The following MYLK3 variants were observed in gnomAD, a reference collection of about 807,000 sequenced individuals.
MYLK3 encodes MLC kinase.
Under a neutral mutation model 76.3 loss-of-function variants are expected in MYLK3, and 55 were observed. The observed-to-expected ratio is 0.72, with a 90% CI of 0.58 to 0.90. The LOEUF is 0.90. Ranked by LOEUF, MYLK3 falls within the 40% of genes least tolerant of loss-of-function variation. The probability of loss-of-function intolerance (pLI) is 0.00; values close to 1 mark genes in which losing one functional copy is unlikely to be tolerated. For synonymous variants in MYLK3, 416 were observed against 425.4 expected (o/e 0.98, Z 0.27); for missense variants, 973 against 1,053.6 (o/e 0.92, Z 1.06).
chr16:46,736,074 C>A (rs1171449128), intron 3 of MYLK3, among the ~76,000 whole-genome samples: 1 of 152,148 alleles, frequency 6.6e-6, no homozygotes, highest in Non-Finnish European at 1.5e-5. Context: ...ATGGTGTGAT[C>A]ATAACTCACT....
rs894167675 is a variant in MYLK3 at position 46,707,030 on chromosome 16, A to T, written c.*674T>A. On this transcript the variant is annotated 3_prime_UTR_variant, in exon 13 of 13. Transcript: ENST00000394809. The stretch of plus-strand genomic sequence containing the variant: ...GCCTATCAGCTTCCAGACTTACAAG[A>T]CCAGAAATTTATAACTAAGACAGAG... The T allele has an allele frequency of 6.6e-6, 1 of 152,178 alleles. No homozygotes were observed. 9.4% of individuals were successfully genotyped at this position (152,178 alleles called of 1,614,324 possible).
rs1158360040 is a variant in MYLK3, at chr16:46,709,394, C to A, written c.2400+145G>T. On this transcript the variant is annotated intron_variant, in intron 12 of 12. Coordinates refer to ENST00000394809, the MANE Select transcript of MYLK3 (RefSeq NM_182493.3). ...CCATGATCATGCCACTATACTCCAG[C>A]CTGGGCAACAGAGCAAGACCCTGTC... 6.7e-6 allele frequency: 6 copies of A among 895,338 alleles called. No homozygotes were observed. The East Asian group carries it at 1.5e-4, about 23-fold the overall frequency. 55.5% of individuals were successfully genotyped at this position (895,338 alleles called of 1,614,324 possible). A position where few individuals can be genotyped will look rare whatever the true frequency, so the allele number is the denominator to read the frequency against.
intron 1 of MYLK3, among the ~76,000 whole-genome samples, chr16:46,745,472 G>A (rs902170766): frequency 6.6e-6 from 1 of 152,134 alleles, no homozygotes; most frequent in Non-Finnish European, 1.5e-5. Flanking sequence ...TGCCAGGAGC[G>A]GTAACTCACA....
chr16:46,757,351 T>A, intron 1 of MYLK3: 1 of 983,644 alleles, frequency 1.0e-6, no homozygotes, highest in Non-Finnish European at 1.2e-6. Context: ...CAGGTCTCCC[T>A]TAGTCCCGTG....
intron 12 of MYLK3, 93 bp downstream of exon 12, chr16:46,709,443 GAAA>G (rs11420228): frequency 3.4e-6 from 4 of 1,159,666 alleles, no homozygotes; most frequent in African/African-American, 1.8e-5. Context: ...CCAAAAAGAA[GAAA>G]AAAAAAAAAA....
In MYLK3 at chr16:46,706,395, G is replaced by A. The variant is rs1966626816; in HGVS notation, c.*1309C>T. ...TGCAAACTCCACCTCCCAGGTTCAA[G>A]CAGTTCTCCTGCCTCAGCCTCCAGA... On this transcript the variant is annotated 3_prime_UTR_variant, in exon 13 of 13. Coordinates refer to ENST00000394809, the MANE Select transcript of MYLK3 (RefSeq NM_182493.3). 6.6e-6 allele frequency: 1 copy of A among 150,746 alleles called. No individual in the cohort carries two copies. Among genetic ancestry groups the A allele is most frequent in the African/African-American group, 2.4e-5 (1 of 40,928 alleles). 9.3% of individuals were successfully genotyped at this position (150,746 alleles called of 1,614,324 possible). A position where few individuals can be genotyped will look rare whatever the true frequency, so the allele number is the denominator to read the frequency against.
At position 46,707,539 on chromosome 16, in the gene MYLK3, C is replaced by T. The variant is rs1966638198; in HGVS notation, c.*165G>A. The T allele has an allele frequency of 3.3e-5, 18 of 552,302 alleles. No homozygotes were observed. In the South Asian group the frequency reaches 4.6e-4, roughly 14 times the overall value. 34.2% of individuals were successfully genotyped at this position (552,302 alleles called of 1,614,324 possible). ...AAAACGTTCTTAGGAAGCTTCTTTA[C>T]AGCCACTTTTCATCCACAAGGAAGG... On this transcript the variant is annotated 3_prime_UTR_variant, in exon 13 of 13. Coordinates refer to ENST00000394809, the MANE Select transcript of MYLK3 (RefSeq NM_182493.3).
chr16:46,719,754 A>G (rs918095425), intron 9 of MYLK3, among the ~76,000 whole-genome samples: 2 of 152,196 alleles, frequency 1.3e-5, no homozygotes, highest in South Asian at 2.1e-4. Context: ...GACCAGTTTA[A>G]ATACAAAAAG....
At chr16:46,726,734 A>AAAG (rs1966843046) in intron 8 of MYLK3, 10 of 147,010 alleles carry the variant, frequency 6.8e-5, no homozygotes, top group Non-Finnish European at 1.2e-4. Context: ...AGAAAGAAAG[A>AAAG]AAAGAAAGAG....
At chr16:46,735,551 C>T (rs1460950504) in intron 3 of MYLK3, among the ~76,000 whole-genome samples, 1 of 152,184 alleles carries the variant, frequency 6.6e-6, no homozygotes, top group African/African-American at 2.4e-5. Context: ...CGCCTTTCTC[C>T]AGCAGCTGAA....
At chr16:46,726,525 A>C (rs1966840615) in intron 8 of MYLK3, 1 of 151,512 alleles carries the variant, frequency 6.6e-6, no homozygotes, top group Admixed American at 6.6e-5. Flanking sequence ...TGATGGCACC[A>C]CTGCACTCCA....
Position 46,732,487 on chromosome 16 carries a change from C to T in MYLK3, c.1183G>A (p.Glu395Lys), listed in dbSNP as rs753176672. ...AGCGGGGAGAGCTCTCTGGCTCCTTCAGGGGTCTGTTCTCCGGGCTCAGTC... is the reference window on the plus strand; with the variant it reads ...AGCGGGGAGAGCTCTCTGGCTCCTTTAGGGGTCTGTTCTCCGGGCTCAGTC... Reference protein sequence around the residue: ...PGTEPGEQTPEGARELSPLQE... With the variant: ...PGTEPGEQTPKGARELSPLQE... The change falls in exon 4 of 13, where the codon GAA becomes AAA. Residue 395 changes from glutamate to lysine, a missense_variant. Physicochemically the swap from Glu to Lys is moderately conservative, Grantham distance 56. Transcript: ENST00000394809. 2 of 1,609,194 alleles carry T rather than the reference C, an allele frequency of 1.2e-6. No homozygotes were observed. Among genetic ancestry groups the T allele is most frequent in the Non-Finnish European group, 1.7e-6 (2 of 1,179,946 alleles).
rs1394617259 is a variant in MYLK3 at position 46,704,305 on chromosome 16, A to C, written c.*3399T>G. On this transcript the variant is annotated 3_prime_UTR_variant, in exon 13 of 13. Transcript: ENST00000394809. Reference sequence around the variant, plus strand: ...ATATTTTTAGAGATGGGGTTTTACCATGTTGGCCAGCAATCTGCCCACCTT... The same window carrying C: ...ATATTTTTAGAGATGGGGTTTTACCCTGTTGGCCAGCAATCTGCCCACCTT... The C allele has an allele frequency of 6.6e-6, 1 of 152,174 alleles. No individual in the cohort carries two copies. Among genetic ancestry groups the C allele is most frequent in the Non-Finnish European group, 1.5e-5 (1 of 68,078 alleles). 9.4% of individuals were successfully genotyped at this position (152,174 alleles called of 1,614,324 possible). A position where few individuals can be genotyped will look rare whatever the true frequency, so the allele number is the denominator to read the frequency against.
intron 9 of MYLK3, among the ~76,000 whole-genome samples, chr16:46,719,160 C>T (rs1459029253): frequency 6.6e-6 from 1 of 151,990 alleles, no homozygotes; most frequent in Non-Finnish European, 1.5e-5. Flanking sequence ...AACCCCGTCT[C>T]TACTAAAAAT....
intron 1 of MYLK3, among the ~76,000 whole-genome samples, chr16:46,740,651 A>C (rs920292325): frequency 1.3e-5 from 2 of 150,828 alleles, no homozygotes; most frequent in African/African-American, 4.9e-5. Flanking sequence ...TCCCAGGTTC[A>C]AACGACCCTC....
intron 9 of MYLK3, among the ~76,000 whole-genome samples, chr16:46,717,204 C>G (rs879778233): frequency 6.6e-6 from 1 of 152,090 alleles, no homozygotes; most frequent in Non-Finnish European, 1.5e-5. Context: ...CGCTATCTCC[C>G]GGTAGGGGAT....
intron 1 of MYLK3, among the ~76,000 whole-genome samples, chr16:46,743,348 A>G (rs1438837769): frequency 6.6e-6 from 1 of 152,198 alleles, no homozygotes; most frequent in Admixed American, 6.5e-5. Flanking sequence ...CTCCCAGGAA[A>G]CACAGTCCCC....
upstream of MYLK3, among the ~76,000 whole-genome samples, chr16:46,749,554 C>T (rs561367704): frequency 1.1e-4 from 17 of 152,272 alleles, no homozygotes; most frequent in East Asian, 3.1e-3. Context: ...TCCAGGTGTT[C>T]GAAACCAGCC....
intron 1 of MYLK3, among the ~76,000 whole-genome samples, chr16:46,756,518 A>AG (rs1967202680): frequency 6.6e-6 from 1 of 152,262 alleles, no homozygotes; most frequent in Non-Finnish European, 1.5e-5. Context: ...CCAGAACCTA[A>AG]GGACAGCCTC....
Sources: gnomAD v4.1 joint callset for allele counts (sites outside exome capture counted in the v4.1 genomes callset) on GRCh38, gnomAD v4.1.1 for gene constraint, MANE v1.5 for transcripts, NCBI Gene and HGNC (gene_info 2026-07-23, HGNC 2026-07-21) for gene names.